The following KIAA0753 variants were observed in gnomAD, a reference collection of about 807,000 sequenced individuals.
KIAA0753 encodes the protein KIAA0753.
KIAA0753 carries 114 observed loss-of-function variants against 116.9 expected under a neutral mutation model. That is an observed-to-expected ratio of 0.98 (90% CI 0.84 to 1.14). The LOEUF (loss-of-function observed/expected upper bound fraction) is 1.14, where lower values mean the gene tolerates loss of function less well. Among genes scored for constraint, KIAA0753 ranks in the 50% most tolerant of loss-of-function variants. KIAA0753 has a pLI of 0.00. For missense variants in KIAA0753, 1,156 were observed against 1,172.4 expected (o/e 0.99, Z 0.20); for synonymous variants, 405 against 413.1 (o/e 0.98, Z 0.24).
At position 6,620,972 on chromosome 17, in the gene KIAA0753, T is replaced by C. The variant is rs1597571577; in HGVS notation, c.1131A>G (p.Lys377=). 6.2e-7 allele frequency: 1 copy of C among 1,613,682 alleles called. No homozygotes were observed. Among genetic ancestry groups the C allele is most frequent in the Middle Eastern group, 1.7e-4 (1 of 5,734 alleles). ...ATTTTTTCACCTTTTTTGGTGACAG[T>C]TTCTTTTCCAGGAGAGATTCCAAAG... ...IEALESLLEK[K]LSPKKVKKCF... Residue 377 remains lysine (K), a synonymous_variant, in exon 7 of 19, where the codon AAA becomes AAG. Transcript: ENST00000361413.
At chr17:6,590,791 C>T (rs981974545) in intron 16 of KIAA0753, among the ~76,000 whole-genome samples, 161 bp from the exon 17 acceptor site, 9 of 152,040 alleles carry the variant, frequency 5.9e-5, no homozygotes, top group Non-Finnish European at 1.3e-4. Context: ...ATTTTAAATG[C>T]AAAGGTGAAT....
intron 12 of KIAA0753, among the ~76,000 whole-genome samples, chr17:6,604,691 G>A (rs1017864168): frequency 6.6e-6 from 1 of 151,916 alleles, no homozygotes; most frequent in African/African-American, 2.4e-5. Context: ...AGGGCTCCTT[G>A]GGGGTGGGAA....
intron 17 of KIAA0753, 67 bp from the exon 18 acceptor site, chr17:6,590,070 A>G: frequency 8.0e-7 from 1 of 1,251,078 alleles, no homozygotes; most frequent in Non-Finnish European, 1.1e-6. Flanking sequence ...CTGTTAATTT[A>G]CCCTCATGGT....
At chr17:6,602,158 T>C (rs1211663585) in intron 12 of KIAA0753, among the ~76,000 whole-genome samples, 2 of 152,230 alleles carry the variant, frequency 1.3e-5, no homozygotes, top group Admixed American at 6.5e-5. Flanking sequence ...CGAACTCACA[T>C]GCACTGCTGA....
In KIAA0753 at chr17:6,631,493, G is replaced by T. The variant is rs149119441; in HGVS notation, c.94-2752C>A. Among the ~76,000 whole-genome samples, 9 of 152,290 alleles carry T rather than the reference G, an allele frequency of 5.9e-5. No individual in the cohort carries two copies. The East Asian group carries it at 1.7e-3, about 29-fold the overall frequency. On this transcript the variant is annotated intron_variant, in intron 2 of 18. Coordinates refer to ENST00000361413, the MANE Select transcript of KIAA0753 (RefSeq NM_014804.3). ...GTTGGAAATATGTAGTGTTGGATTT[G>T]AATTGGAGATACCTGTGTGAACTTG...
chr17:6,596,225 G>A lies in KIAA0753; in HGVS notation c.2291C>T (p.Ala764Val). ...GCTATCCTTGCTGTCCTCAACGGTG[G>A]CTAAGGTTTCAGACCCCAAGATCTT... ...HAKILGSETLATVEDSKDSPD... is the reference protein window; with the variant it reads ...HAKILGSETLVTVEDSKDSPD... Residue 764 changes from alanine to valine, a missense_variant, in exon 15 of 19, where the codon GCC becomes GTC. By Grantham distance (64) the Ala-to-Val change is moderately conservative. Coordinates refer to ENST00000361413, the MANE Select transcript of KIAA0753 (RefSeq NM_014804.3). The A allele has an allele frequency of 6.2e-7, 1 of 1,613,836 alleles. No homozygotes were observed. The highest frequency in any genetic ancestry group is 8.5e-7 in the Non-Finnish European group (1 of 1,179,838).
chr17:6,602,046 A>C (rs145817350), intron 12 of KIAA0753, among the ~76,000 whole-genome samples: 2 of 152,358 alleles, frequency 1.3e-5, no homozygotes, highest in Non-Finnish European at 2.9e-5. Context: ...GCCTTCAAGG[A>C]AACACAAATT....
chr17:6,594,891 C>T, intron 16 of KIAA0753, 81 bp downstream of exon 16: 1 of 1,039,578 alleles, frequency 9.6e-7, no homozygotes, highest in Non-Finnish European at 1.5e-6. Context: ...GCAGTGTTTA[C>T]TATACAATTT....
intron 12 of KIAA0753, among the ~76,000 whole-genome samples, chr17:6,604,090 G>A (rs1032796299): frequency 2.6e-5 from 4 of 152,154 alleles, no homozygotes; most frequent in African/African-American, 7.2e-5. Context: ...GGAACAAAGC[G>A]AAACAAAACA....
At chr17:6,582,945 G>A (rs1218764455) in intron 18 of KIAA0753, among the ~76,000 whole-genome samples, 2 of 152,090 alleles carry the variant, frequency 1.3e-5, no homozygotes, top group African/African-American at 2.4e-5. Context: ...ACATACACAC[G>A]CATCCATAAA....
chr17:6,590,691 C>G, intron 16 of KIAA0753, 61 bp from the exon 17 acceptor site: 4 of 1,594,776 alleles, frequency 2.5e-6, no homozygotes, highest in Non-Finnish European at 3.4e-6. Context: ...CATTTTAGAG[C>G]TGTTCTAGTG....
intron 16 of KIAA0753, among the ~76,000 whole-genome samples, chr17:6,593,796 A>G (rs1291590163): frequency 6.6e-6 from 1 of 152,244 alleles, no homozygotes; most frequent in Non-Finnish European, 1.5e-5. Context: ...AGGCAACAAG[A>G]ATCGCTTGAA....
At chr17:6,589,592 TG>T (rs983014077) in intron 18 of KIAA0753, among the ~76,000 whole-genome samples, 186 bp downstream of exon 18, 138 of 152,298 alleles carry the variant, frequency 9.1e-4, no homozygotes, top group African/African-American at 3.2e-3. Context: ...TGGCACCGCC[TG>T]TGCTGTTTTA....
At chr17:6,611,342 C>T (rs1970529496) in intron 8 of KIAA0753, among the ~76,000 whole-genome samples, 2 of 152,034 alleles carry the variant, frequency 1.3e-5, no homozygotes, top group African/African-American at 2.4e-5. Flanking sequence ...ACTCTGTTGC[C>T]CAGGCTGGAG....
intron 16 of KIAA0753, among the ~76,000 whole-genome samples, chr17:6,594,277 A>G: frequency 7.0e-6 from 1 of 141,942 alleles, no homozygotes; most frequent in Non-Finnish European, 1.6e-5. Context: ...TCAGATTCTG[A>G]CCCCCCCCCC....
Position 6,579,820 on chromosome 17 carries a change from G to T in KIAA0753, c.2831C>A (p.Ala944Asp), listed in dbSNP as rs761328772. The change falls in exon 19 of 19, where the codon GCT becomes GAT. Residue 944 changes from alanine to aspartate, a missense_variant. By Grantham distance (126) the Ala-to-Asp change is moderately radical (BLOSUM62 -2). Transcript: ENST00000361413. ...LVDEALGAVA[A>D]ELQDMCEDYA... ...ATCTTCGCACATATCCTGAAGTTCA[G>T]CAGCCACAGCACCCAGAGCTTCATC... 4 of 1,613,610 alleles carry T rather than the reference G, an allele frequency of 2.5e-6. No homozygotes were observed. Among genetic ancestry groups the T allele is most frequent in the Non-Finnish European group, 3.4e-6 (4 of 1,179,958 alleles).
At chr17:6,622,709 A>G (rs1286688386) in intron 6 of KIAA0753, among the ~76,000 whole-genome samples, 173 bp downstream of exon 6, 2 of 152,242 alleles carry the variant, frequency 1.3e-5, no homozygotes, top group African/African-American at 4.8e-5. Context: ...GATAATACAG[A>G]CTACACTGTA....
intron 4 of KIAA0753, among the ~76,000 whole-genome samples, 198 bp downstream of exon 4, chr17:6,624,557 C>CAA (rs1971540194): frequency 6.6e-6 from 1 of 151,930 alleles, no homozygotes; most frequent in African/African-American, 2.4e-5. Context: ...CACACACACA[C>CAA]ACACACACAC....
chr17:6,623,877 A>G (rs1971489935), intron 4 of KIAA0753: 1 of 255,950 alleles, frequency 3.9e-6, no homozygotes, highest in African/African-American at 2.3e-5. Context: ...GAAGTCTTAC[A>G]TGCCACGCTG....
Sources: allele counts gnomAD v4.1 joint callset (sites outside exome capture counted in the v4.1 genomes callset), GRCh38; gene constraint gnomAD v4.1.1; transcripts MANE v1.5; gene names NCBI Gene and HGNC (gene_info 2026-07-23, HGNC 2026-07-21).